The following ATP8A2 variants were observed in gnomAD, a reference collection of about 807,000 sequenced individuals.
ATP8A2 encodes the protein phospholipid-transporting ATPase IB.
Under a neutral mutation model 165.6 loss-of-function variants are expected in ATP8A2, and 100 were observed. That is an observed-to-expected ratio of 0.60 (90% CI 0.51 to 0.71). The LOEUF is 0.71. ATP8A2 is among the 30% of genes least tolerant of loss of function. The pLI is 0.00. For synonymous variants in ATP8A2, 543 were observed against 548.8 expected, an observed-to-expected ratio of 0.99 and a Z score of 0.15; for missense variants, 1,227 against 1,479.5, an observed-to-expected ratio of 0.83 and a Z score of 2.80.
intron 1 of ATP8A2, among the ~76,000 whole-genome samples, chr13:25,437,581 T>C (rs2034815474): frequency 6.6e-6 from 1 of 152,184 alleles, no homozygotes; most frequent in Non-Finnish European, 1.5e-5. Context: ...GTAAATAAAA[T>C]CAATACGACT....
intron 24 of ATP8A2, among the ~76,000 whole-genome samples, chr13:25,664,490 G>T (rs896003671): frequency 6.6e-6 from 1 of 152,180 alleles, no homozygotes; most frequent in African/African-American, 2.4e-5. Context: ...AGGTCTGCTG[G>T]TAGAAGTCTG....
intron 2 of ATP8A2, among the ~76,000 whole-genome samples, chr13:25,501,211 T>G (rs2036844561): frequency 6.6e-6 from 1 of 152,066 alleles, no homozygotes; most frequent in African/African-American, 2.4e-5. Flanking sequence ...CATCAAGAAG[T>G]TTGTACTCAC....
intron 33 of ATP8A2, among the ~76,000 whole-genome samples, chr13:25,902,650 C>T (rs1953793616): frequency 1.3e-5 from 2 of 152,024 alleles, no homozygotes; most frequent in Admixed American, 6.6e-5. Flanking sequence ...CATGTGCAGG[C>T]ATTTTGCACC....
chr13:25,985,975 GA>G (rs563982554), intron 35 of ATP8A2, among the ~76,000 whole-genome samples: 101 of 152,326 alleles, frequency 6.6e-4, no homozygotes, highest in Admixed American at 1.4e-3. Flanking sequence ...AGAATTTCAT[GA>G]AAGCCACGTG....
At chr13:25,905,889 C>T (rs1427290523) in intron 33 of ATP8A2, among the ~76,000 whole-genome samples, 6 of 152,190 alleles carry the variant, frequency 3.9e-5, no homozygotes, top group Admixed American at 6.5e-5. Context: ...CCTGAGGCCA[C>T]GGAAACATTC....
intron 1 of ATP8A2, among the ~76,000 whole-genome samples, chr13:25,395,680 C>T (rs1420938605): frequency 2.0e-5 from 3 of 152,092 alleles, no homozygotes; most frequent in Admixed American, 2.0e-4. Context: ...GAACTACAGG[C>T]ATGTGCCACC....
At chr13:25,628,833 C>T (rs947080256) in intron 24 of ATP8A2, among the ~76,000 whole-genome samples, 7 of 152,202 alleles carry the variant, frequency 4.6e-5, no homozygotes, top group African/African-American at 1.7e-4. Flanking sequence ...ACTCTGTCTT[C>T]AGGTAAGGTC....
chr13:25,442,671 C>CG (rs1349366692), intron 1 of ATP8A2, among the ~76,000 whole-genome samples: 24 of 152,282 alleles, frequency 1.6e-4, no homozygotes, highest in Admixed American at 1.6e-3. Flanking sequence ...CCTCCAGCCT[C>CG]GGCGTCCCAA....
chr13:25,960,633 G>A (rs1955638018), intron 33 of ATP8A2, among the ~76,000 whole-genome samples: 1 of 152,020 alleles, frequency 6.6e-6, no homozygotes, highest in African/African-American at 2.4e-5. Flanking sequence ...TCCAGGCTCC[G>A]GGCTTTTGCT....
intron 27 of ATP8A2, among the ~76,000 whole-genome samples, chr13:25,781,169 A>G (rs2044868168): frequency 6.6e-6 from 1 of 152,106 alleles, no homozygotes; most frequent in Non-Finnish European, 1.5e-5. Context: ...AGGCTGAGGC[A>G]GGAGAATGAC....
At chr13:25,565,990 G>T (rs2039302575) in intron 16 of ATP8A2, among the ~76,000 whole-genome samples, 1 of 151,706 alleles carries the variant, frequency 6.6e-6, no homozygotes, top group Admixed American at 6.6e-5. Flanking sequence ...TTTAAAATTA[G>T]GTAAACATGA....
intron 12 of ATP8A2, 44 bp from the exon 13 acceptor site, chr13:25,554,947 G>A (rs372877170): frequency 3.4e-6 from 4 of 1,165,816 alleles, no homozygotes; most frequent in African/African-American, 3.1e-5. Flanking sequence ...AGAATTAATG[G>A]TATATATTTT....
chr13:25,484,993 C>T (rs1204573721), intron 2 of ATP8A2, among the ~76,000 whole-genome samples: 1 of 152,194 alleles, frequency 6.6e-6, no homozygotes, highest in Non-Finnish European at 1.5e-5. Context: ...AATAGTATCA[C>T]AATTATTTCT....
intron 1 of ATP8A2, among the ~76,000 whole-genome samples, chr13:25,451,275 C>A (rs566885553): frequency 2.6e-5 from 4 of 151,148 alleles, no homozygotes; most frequent in Middle Eastern, 3.4e-3. Context: ...GTTTCCATTA[C>A]AAATTCAATT....
chr13:25,699,310 T>C lies in ATP8A2; in HGVS notation c.2349T>C (p.Asp783=). 6.8e-6 allele frequency: 11 copies of C among 1,613,574 alleles called. No homozygotes were observed. The highest frequency in any genetic ancestry group is 9.3e-6 in the Non-Finnish European group (11 of 1,179,730). The change falls in exon 25 of 37, where the codon GAT becomes GAC. Residue 783 remains aspartate, a synonymous_variant. Transcript: ENST00000381655. ...TCGAAGTCCGGAGGAGTTTCCTGGA[T>C]TTGGCACTCTCGTGCAAAGCGGTCA... ...LSFEVRRSFL[D]LALSCKAVIC...
At chr13:25,762,830 G>A (rs553942093) in intron 25 of ATP8A2, among the ~76,000 whole-genome samples, 43 of 152,252 alleles carry the variant, frequency 2.8e-4, no homozygotes, top group Non-Finnish European at 5.7e-4. Context: ...CAATTATGTT[G>A]AATAGTTTAT....
intron 2 of ATP8A2, among the ~76,000 whole-genome samples, chr13:25,528,848 C>T (rs944423634): frequency 6.4e-5 from 9 of 141,694 alleles, no homozygotes; most frequent in African/African-American, 2.2e-4. Flanking sequence ...TGTATGCACA[C>T]ATATGCAACA....
chr13:25,547,565 A>G (rs1261926778), intron 10 of ATP8A2, among the ~76,000 whole-genome samples: 1 of 152,182 alleles, frequency 6.6e-6, no homozygotes, highest in Non-Finnish European at 1.5e-5. Flanking sequence ...CTGATTCTAC[A>G]TTATGGTGAG....
intron 35 of ATP8A2, among the ~76,000 whole-genome samples, chr13:25,987,763 A>G (rs1956302149): frequency 6.6e-6 from 1 of 152,178 alleles, no homozygotes; most frequent in Admixed American, 6.5e-5. Context: ...CTGAATGCTA[A>G]TTTTCCTTTC....
Sources: gnomAD v4.1 joint callset for allele counts (sites outside exome capture counted in the v4.1 genomes callset) on GRCh38, gnomAD v4.1.1 for gene constraint, MANE v1.5 for transcripts, NCBI Gene and HGNC (gene_info 2026-07-23, HGNC 2026-07-21) for gene names.